Variants in SDK1 observed in about 807,000 individuals in gnomAD.
The protein encoded by SDK1 is sidekick cell adhesion molecule 1, also known as protein sidekick-1.
Under a neutral mutation model 245.5 loss-of-function variants are expected in SDK1, and 157 were observed. The ratio of observed to expected loss-of-function variants is 0.64; its 90% CI spans 0.56 to 0.73. SDK1 has a LOEUF of 0.73. Ranked by LOEUF, SDK1 falls within the 30% of genes least tolerant of loss-of-function variation. SDK1 has a pLI of 0.00. For synonymous variants in SDK1, 1,647 were observed against 1,278.5 expected, an observed-to-expected ratio of 1.29 and a Z score of -6.15; for missense variants, 3,583 against 3,002.3, an observed-to-expected ratio of 1.19 and a Z score of -4.52.
intron 2 of SDK1, among the ~76,000 whole-genome samples, chr7:3,623,154 A>C (rs1414964372): frequency 6.6e-6 from 1 of 151,862 alleles, no homozygotes; most frequent in Non-Finnish European, 1.5e-5. Context: ...AGCAAATACT[A>C]CACATTTACT....
chr7:3,607,875 C>T (rs1039389376), intron 1 of SDK1, among the ~76,000 whole-genome samples: 2 of 152,202 alleles, frequency 1.3e-5, no homozygotes, highest in East Asian at 1.9e-4. Flanking sequence ...TAATTTAATC[C>T]TTGAGACAAG....
intron 42 of SDK1, among the ~76,000 whole-genome samples, chr7:4,238,884 C>T (rs527598573): frequency 2.6e-5 from 4 of 151,966 alleles, no homozygotes; most frequent in African/African-American, 7.3e-5. Context: ...AAGTATAGAG[C>T]ATTAAACAGG....
intron 4 of SDK1, among the ~76,000 whole-genome samples, chr7:3,701,528 A>G (rs2115007466): frequency 6.6e-6 from 1 of 152,228 alleles, no homozygotes; most frequent in South Asian, 2.1e-4. Flanking sequence ...TGATTCCAGG[A>G]TTTGGGGTTG....
intron 4 of SDK1, among the ~76,000 whole-genome samples, chr7:3,701,354 C>G (rs1784733947): frequency 6.6e-6 from 1 of 152,156 alleles, no homozygotes; most frequent in South Asian, 2.1e-4. Context: ...GACTATGTGT[C>G]TATAAAAAGT....
At position 3,673,689 on chromosome 7, in the gene SDK1, G is replaced by A. The variant is rs1783793662; in HGVS notation, c.713+31584G>A. On this transcript the variant is annotated intron_variant, in intron 4 of 44. Transcript: ENST00000404826. ...CTTGCTCTGCAAAGACAAAAGCTCA[G>A]TCATTGACCTGGAGGGCCCAAAACT... 3.3e-5 allele frequency among the ~76,000 whole-genome samples: 5 copies of A among 152,160 alleles called. 1 individual carries two copies. The South Asian group carries it at 1.0e-3, about 32-fold the overall frequency.
At chr7:3,894,191 G>A (rs928504463) in intron 5 of SDK1, among the ~76,000 whole-genome samples, 6 of 152,148 alleles carry the variant, frequency 3.9e-5, no homozygotes, top group African/African-American at 1.2e-4. Context: ...ACATTTTAAT[G>A]TACTACCGAT....
intron 28 of SDK1, among the ~76,000 whole-genome samples, chr7:4,144,516 C>A (rs1478908944): frequency 6.6e-6 from 1 of 152,128 alleles, no homozygotes; most frequent in Non-Finnish European, 1.5e-5. Context: ...GAGGTCTGAT[C>A]TCCGTGTAAT....
At chr7:4,081,950 G>C (rs1781087784) in intron 22 of SDK1, among the ~76,000 whole-genome samples, 1 of 152,156 alleles carries the variant, frequency 6.6e-6, no homozygotes, top group Non-Finnish European at 1.5e-5. Flanking sequence ...ATGCCAATAT[G>C]GATGAATTTC....
chr7:3,829,470 G>T (rs1164503533), intron 5 of SDK1, among the ~76,000 whole-genome samples: 1 of 152,182 alleles, frequency 6.6e-6, no homozygotes. Context: ...TTTCAAAGCT[G>T]AGGACACTGA....
At chr7:4,160,920 A>G (rs12533147) in intron 31 of SDK1, among the ~76,000 whole-genome samples, 66,685 of 152,042 alleles carry the variant, frequency 0.44, 16,148 homozygotes, top group East Asian at 0.76. Flanking sequence ...CCGGGACCCA[A>G]TCTTGGGTTC....
intron 1 of SDK1, among the ~76,000 whole-genome samples, chr7:3,485,672 A>T (rs371184466): frequency 5.1e-4 from 27 of 53,156 alleles, no homozygotes; most frequent in Non-Finnish European, 7.1e-4. Flanking sequence ...TGAGGGGATG[A>T]TCTTTGGAGG....
intron 9 of SDK1, among the ~76,000 whole-genome samples, chr7:3,964,960 G>A (rs775909052): frequency 6.6e-6 from 1 of 152,202 alleles, no homozygotes; most frequent in African/African-American, 2.4e-5. Context: ...AATATGGAAT[G>A]CTCAAGTCAG....
intron 1 of SDK1, among the ~76,000 whole-genome samples, chr7:3,585,336 G>A (rs1011146838): frequency 3.9e-5 from 6 of 152,228 alleles, no homozygotes; most frequent in African/African-American, 1.4e-4. Context: ...AGTTGATGAA[G>A]TGAATCAGAA....
chr7:4,059,793 A>G (rs1562745708), intron 19 of SDK1, among the ~76,000 whole-genome samples: 1 of 152,222 alleles, frequency 6.6e-6, no homozygotes, highest in Non-Finnish European at 1.5e-5. Context: ...GGAACTTTGG[A>G]ATCTGTACAA....
At chr7:3,622,907 T>TC (rs910351474) in intron 2 of SDK1, among the ~76,000 whole-genome samples, 1 of 152,130 alleles carries the variant, frequency 6.6e-6, no homozygotes, top group African/African-American at 2.4e-5. Flanking sequence ...CTTTTTTTTT[T>TC]CCCCATGATA....
intron 1 of SDK1, among the ~76,000 whole-genome samples, chr7:3,488,329 C>G (rs1054592406): frequency 6.6e-6 from 1 of 152,026 alleles, no homozygotes; most frequent in Non-Finnish European, 1.5e-5. Flanking sequence ...TATGCAGCGT[C>G]CTTACTGTCG....
chr7:3,507,893 A>G (rs1272846175), intron 1 of SDK1, among the ~76,000 whole-genome samples: 8 of 152,132 alleles, frequency 5.3e-5, no homozygotes, highest in Non-Finnish European at 1.2e-4. Flanking sequence ...AATATTCACA[A>G]GTGTTATTGA....
At chr7:3,356,442 C>T (rs1326422303) in intron 1 of SDK1, among the ~76,000 whole-genome samples, 1 of 152,104 alleles carries the variant, frequency 6.6e-6, no homozygotes, top group African/African-American at 2.4e-5. Context: ...ACCTTATCCC[C>T]AAGTCTCTGT....
intron 4 of SDK1, among the ~76,000 whole-genome samples, chr7:3,741,460 C>G (rs1779472066): frequency 6.6e-6 from 1 of 152,286 alleles, no homozygotes; most frequent in East Asian, 1.9e-4. Context: ...TTTAGCTGTC[C>G]TAATCAGAGC....
Sources: allele counts gnomAD v4.1 joint callset (sites outside exome capture counted in the v4.1 genomes callset), GRCh38; gene constraint gnomAD v4.1.1; transcripts MANE v1.5; gene names NCBI Gene and HGNC (gene_info 2026-07-23, HGNC 2026-07-21).